The following HNRNPM variants were observed in gnomAD, a reference collection of about 807,000 sequenced individuals.
HNRNPM encodes the protein heterogeneous nuclear ribonucleoprotein M.
A neutral mutation model predicts 73.1 loss-of-function variants in HNRNPM; 11 were observed. The observed-to-expected ratio is 0.15, with a 90% confidence interval of 0.09 to 0.25. HNRNPM has a LOEUF of 0.25. HNRNPM is among the 10% of genes least tolerant of loss of function. The pLI is 1.00. For synonymous variants in HNRNPM, 407 were observed against 355.2 expected, an observed-to-expected ratio of 1.15 and a Z score of -1.64; for missense variants, 789 against 1,067.9, an observed-to-expected ratio of 0.74 and a Z score of 3.64.
chr19:8,456,106 C>T (rs1969004043), intron 2 of HNRNPM, among the ~76,000 whole-genome samples: 1 of 151,992 alleles, frequency 6.6e-6, no homozygotes, highest in Non-Finnish European at 1.5e-5. Flanking sequence ...GGCTTTTTCC[C>T]CTCTGGGAAA....
Position 8,466,257 on chromosome 19 carries a change from A to C in HNRNPM, c.653A>C (p.Lys218Thr). Reference protein sequence around the residue: ...VANLDYKVGWKKLKEVFSMAG... With the variant: ...VANLDYKVGWTKLKEVFSMAG... ...TAGCTGGATTATAAAGTTGGCTGGA[A>C]GAAACTGAAGGAAGTATTTAGTATG... Residue 218 changes from lysine to threonine, a missense_variant, in exon 7 of 16, where the codon AAG (lysine) becomes ACG (threonine). Physicochemically the swap from Lys to Thr is moderately conservative, Grantham distance 78 (BLOSUM62 -1). Around this residue, in one of 4 missense-constraint regions of HNRNPM, gnomAD observed 604 missense variants for 744.0 expected, o/e 0.81. Transcript: ENST00000325495. 6.2e-7 allele frequency: 1 copy of C among 1,613,730 alleles called. No homozygotes were observed. Among genetic ancestry groups the C allele is most frequent in the Non-Finnish European group, 8.5e-7 (1 of 1,179,938 alleles).
rs559498417 is a variant in HNRNPM at position 8,485,541 on chromosome 19, G to A, written c.1175-62G>A. Reference sequence around the variant, plus strand: ...TGCCCATGAGCTGAAGTGGTCTGGCGTGTTGTGCACACGCACACTCAAGTT... The same window carrying A: ...TGCCCATGAGCTGAAGTGGTCTGGCATGTTGTGCACACGCACACTCAAGTT... On this transcript the variant is annotated intron_variant, in intron 13 of 15. Transcript: ENST00000325495. 426 of 1,499,246 alleles carry A rather than the reference G, an allele frequency of 2.8e-4. 2 individuals carry two copies. Among genetic ancestry groups the A allele is most frequent in the East Asian group, 4.1e-4 (18 of 44,070 alleles). The allele number at this position is 1,499,246 out of a possible 1,614,324, so 92.9% of individuals were successfully genotyped here.
rs759838831 is a variant in HNRNPM at position 8,474,270 on chromosome 19, T to G, written c.1120+26T>G. 1.9e-5 allele frequency: 29 copies of G among 1,536,796 alleles called. No individual in the cohort carries two copies. In the South Asian group the frequency reaches 2.9e-4, roughly 16 times the overall value. On this transcript the variant is annotated intron_variant, in intron 12 of 15. Transcript: ENST00000325495. ...GTAAGCATCGTGTTTTCTTCCTGCTTTCACTCACCCTTTGCCGGCTGTTGC... is the reference window on the plus strand; with the variant it reads ...GTAAGCATCGTGTTTTCTTCCTGCTGTCACTCACCCTTTGCCGGCTGTTGC...
intron 1 of HNRNPM, among the ~76,000 whole-genome samples, chr19:8,446,355 A>G (rs1362086058): frequency 1.3e-5 from 2 of 152,218 alleles, no homozygotes; most frequent in South Asian, 4.2e-4. Context: ...CTCATATTGT[A>G]ATGTGTGAAG....
chr19:8,449,661 A>G (rs1968472438), intron 1 of HNRNPM, among the ~76,000 whole-genome samples: 2 of 23,318 alleles, frequency 8.6e-5, no homozygotes, highest in African/African-American at 1.1e-4. Flanking sequence ...TCAGCCTCCC[A>G]AGTAGCTGGG....
chr19:8,479,771 A>ATTT (rs1970773957), intron 12 of HNRNPM, among the ~76,000 whole-genome samples: 5 of 75,730 alleles, frequency 6.6e-5, no homozygotes, highest in Non-Finnish European at 5.4e-5. Flanking sequence ...AAAAAAAAAA[A>ATTT]ATTTTTTTTT....
At position 8,474,229 on chromosome 19, in the gene HNRNPM, A is replaced by C. The variant is rs779941780; in HGVS notation, c.1105A>C (p.Met369Leu). 8 of 1,590,732 alleles carry C rather than the reference A, an allele frequency of 5.0e-6. No individual in the cohort carries two copies. The South Asian group carries it at 9.1e-5, about 18-fold the overall frequency. Residue 369 changes from methionine (M) to leucine (L), a missense_variant, in exon 12 of 16, where the codon ATG becomes CTG. This residue lies in a region of HNRNPM where 604 missense variants were observed against 744.0 expected (regional missense o/e 0.81). Coordinates refer to ENST00000325495, the MANE Select transcript of HNRNPM (RefSeq NM_005968.5). The stretch of plus-strand genomic sequence containing the variant: ...GGGTCGATTTGGATCTGGGATGAAC[A>C]TGGGCAGGATAAATGGTAAGCATCG... Reference protein sequence around the residue: ...NMGRFGSGMNMGRINEILSNA... With the variant: ...NMGRFGSGMNLGRINEILSNA...
rs150000076 is a variant in HNRNPM at position 8,467,898 on chromosome 19, C to T, written c.834+314C>T. On this transcript the variant is annotated intron_variant, in intron 8 of 15. Coordinates refer to ENST00000325495, the MANE Select transcript of HNRNPM (RefSeq NM_005968.5). Reference sequence around the variant, plus strand: ...CAAAAATTAGCCGGGCGTGGTGGCACGCGCCTGTAGTCCAGCTACTCGGGA... The same window carrying T: ...CAAAAATTAGCCGGGCGTGGTGGCATGCGCCTGTAGTCCAGCTACTCGGGA... Among the ~76,000 whole-genome samples the T allele has an allele frequency of 2.8e-3, 420 of 152,152 alleles. 2 individuals are homozygous for T. Among genetic ancestry groups the T allele is most frequent in the Non-Finnish European group, 5.1e-3 (344 of 67,986 alleles).
chr19:8,467,090 T>C (rs1047717437), intron 7 of HNRNPM, among the ~76,000 whole-genome samples: 1 of 150,706 alleles, frequency 6.6e-6, no homozygotes, highest in Admixed American at 6.6e-5. Flanking sequence ...AGGCCACTTC[T>C]CCTTGACCCT....
At chr19:8,447,249 C>T (rs564036883) in intron 1 of HNRNPM, among the ~76,000 whole-genome samples, 69 of 135,116 alleles carry the variant, frequency 5.1e-4, no homozygotes, top group Middle Eastern at 3.6e-3. Context: ...TTTGATAGGG[C>T]CTGTGGAAAA....
intron 5 of HNRNPM, among the ~76,000 whole-genome samples, chr19:8,464,962 C>T (rs1969643055): frequency 6.6e-6 from 1 of 152,166 alleles, no homozygotes. Flanking sequence ...TACAAAACCC[C>T]ATTGATGAAT....
At chr19:8,446,039 A>G (rs1267693754) in intron 1 of HNRNPM, among the ~76,000 whole-genome samples, 1 of 151,994 alleles carries the variant, frequency 6.6e-6, no homozygotes, top group African/African-American at 2.4e-5. Context: ...TTCTGATTAC[A>G]GACACTTAAG....
chr19:8,479,086 T>C (rs1328602207), intron 12 of HNRNPM, among the ~76,000 whole-genome samples: 2 of 109,612 alleles, frequency 1.8e-5, no homozygotes, highest in African/African-American at 7.2e-5. Context: ...TTCTTTTTTT[T>C]TTTTTTTTTT....
intron 1 of HNRNPM, among the ~76,000 whole-genome samples, chr19:8,446,517 C>T (rs997619363): frequency 9.9e-5 from 15 of 152,198 alleles, no homozygotes; most frequent in African/African-American, 3.1e-4. Flanking sequence ...TCAATCGATC[C>T]TTCCATCTCA....
At chr19:8,478,432 T>C (rs1970666740) in intron 12 of HNRNPM, among the ~76,000 whole-genome samples, 1 of 152,056 alleles carries the variant, frequency 6.6e-6, no homozygotes, top group African/African-American at 2.4e-5. Context: ...GAAAGAGACT[T>C]TGCCAGGAAG....
intron 1 of HNRNPM, among the ~76,000 whole-genome samples, chr19:8,445,822 C>A (rs749942104): frequency 6.6e-6 from 1 of 152,264 alleles, no homozygotes; most frequent in Non-Finnish European, 1.5e-5. Context: ...GCTTAGCGTT[C>A]ACCCTCGGAA....
chr19:8,468,663 G>T, intron 8 of HNRNPM, 111 bp from the exon 9 acceptor site: 2 of 776,890 alleles, frequency 2.6e-6, no homozygotes, highest in South Asian at 1.4e-5. Flanking sequence ...TCCATGGCGT[G>T]GATAATGTGT....
intron 6 of HNRNPM, among the ~76,000 whole-genome samples, chr19:8,465,760 G>A (rs559251011): frequency 1.3e-5 from 2 of 152,250 alleles, no homozygotes; most frequent in Non-Finnish European, 2.9e-5. Context: ...AGCAGTAACC[G>A]AGTCTGCATT....
rs35193948 is a variant in HNRNPM at position 8,477,660 on chromosome 19, C to CA, written c.1120+3449dup. Among the ~76,000 whole-genome samples the CA allele has an allele frequency of 2.4e-3, 278 of 117,044 alleles. 7 individuals carry two copies. The highest frequency in any genetic ancestry group is 9.7e-3 in the African/African-American group (261 of 26,942). 76.8% of individuals were successfully genotyped at this position (117,044 alleles called of 152,430 possible). A position where few individuals can be genotyped will look rare whatever the true frequency, so the allele number is the denominator to read the frequency against. On this transcript the variant is annotated intron_variant, in intron 12 of 15. Coordinates refer to ENST00000325495, the MANE Select transcript of HNRNPM (RefSeq NM_005968.5). ...GGGTTGACAGAGTGAAACCCTGTCT[C>CA]AAAAAAAAAAAAAAAAAAAAAAAAA...
Sources: allele counts gnomAD v4.1 joint callset (sites outside exome capture counted in the v4.1 genomes callset), GRCh38; gene constraint gnomAD v4.1.1; regional missense constraint gnomAD v4.1.1; transcripts MANE v1.5; gene names NCBI Gene and HGNC (gene_info 2026-07-23, HGNC 2026-07-21).